Variants in SCN2A observed in about 807,000 individuals in gnomAD.
SCN2A encodes sodium channel protein type 2 subunit alpha.
SCN2A carries 20 observed loss-of-function variants against 188.7 expected under a neutral mutation model. The ratio of observed to expected loss-of-function variants is 0.11; its 90% CI spans 0.07 to 0.15. The LOEUF (loss-of-function observed/expected upper bound fraction) is 0.15. Among genes scored for constraint, SCN2A ranks in the 10% least tolerant of loss-of-function variants. SCN2A has a pLI of 1.00. For missense variants in SCN2A, 1,278 were observed against 2,445.0 expected, an observed-to-expected ratio of 0.52 and a Z score of 10.07; for synonymous variants, 804 against 833.1, an observed-to-expected ratio of 0.97 and a Z score of 0.60.
chr2:165,265,515 A>ATATATATATAT (rs1188795670), intron 1 of SCN2A, among the ~76,000 whole-genome samples: 2 of 115,490 alleles, frequency 1.7e-5, no homozygotes, highest in African/African-American at 3.3e-5. Context: ...ATATATATAT[A>ATATATATATAT]TTGCTGTGCA....
intron 15 of SCN2A, 136 bp downstream of exon 15, chr2:165,342,605 C>A: frequency 4.5e-6 from 4 of 896,124 alleles, no homozygotes; most frequent in Admixed American, 1.9e-5. Flanking sequence ...GATTGCCATA[C>A]CACCAAATGG....
At chr2:165,375,825 A>G (rs1701283582) in intron 22 of SCN2A, among the ~76,000 whole-genome samples, 1 of 151,954 alleles carries the variant, frequency 6.6e-6, no homozygotes, top group African/African-American at 2.4e-5. Flanking sequence ...ACACGCACAC[A>G]CACACACACA....
At chr2:165,363,132 G>C (rs1479842202) in intron 17 of SCN2A, among the ~76,000 whole-genome samples, 1 of 152,010 alleles carries the variant, frequency 6.6e-6, no homozygotes, top group African/African-American at 2.4e-5. Context: ...ACTGTCAAGG[G>C]CTAGACTTCA....
intron 17 of SCN2A, among the ~76,000 whole-genome samples, chr2:165,364,320 C>A (rs1253801564): frequency 1.3e-5 from 2 of 152,166 alleles, no homozygotes; most frequent in African/African-American, 4.8e-5. Flanking sequence ...GGGATCCCTT[C>A]ATGTATGCTG....
chr2:165,315,722 G>A lies in SCN2A; in HGVS notation c.1635G>A (p.Arg545=). The part of the protein sequence containing the change: ...KGFRFSLEGS[R]LTYEKRFSSP... Reference sequence around the variant, plus strand: ...TCCGTTTTTCCTTGGAAGGAAGTAGGCTGACATATGAAAAGAGATTTTCTT... The same window carrying A: ...TCCGTTTTTCCTTGGAAGGAAGTAGACTGACATATGAAAAGAGATTTTCTT... The change falls in exon 11 of 27, where the codon AGG becomes AGA. Residue 545 remains arginine, a synonymous_variant. Transcript: ENST00000375437. 6.2e-7 allele frequency: 1 copy of A among 1,613,194 alleles called. No homozygotes were observed. The highest frequency in any genetic ancestry group is 1.1e-5 in the South Asian group (1 of 90,848).
rs1223745985 is a variant in SCN2A, at chr2:165,249,279, T to C, written c.-52+9639T>C. Among the ~76,000 whole-genome samples, 3 of 152,130 alleles carry C rather than the reference T, an allele frequency of 2.0e-5. No individual in the cohort carries two copies. The East Asian group carries it at 5.8e-4, about 29-fold the overall frequency. ...TAATACTGGTCCTGCATATGCTGTG[T>C]CCTGAGCTTTCGCTATGTAGGTTGC... On this transcript the variant is annotated intron_variant, in intron 1 of 26. Transcript: ENST00000375437.
At position 165,310,540 on chromosome 2, in the gene SCN2A, T is replaced by A. The variant is rs1193774137; in HGVS notation, c.915T>A (p.Thr305=). 8.7e-6 allele frequency: 14 copies of A among 1,612,828 alleles called. No homozygotes were observed. The Admixed American group carries it at 2.0e-4, about 23-fold the overall frequency. ...FFNNSLDGNG[T]TFNRTVSIFN... ...ACAATTCATTGGATGGGAATGGTACTACTTTCAATAGGACAGTGAGCATAT... is the reference window on the plus strand; with the variant it reads ...ACAATTCATTGGATGGGAATGGTACAACTTTCAATAGGACAGTGAGCATAT... Residue 305 remains threonine (T), a synonymous_variant, in exon 7 of 27, where the codon ACT becomes ACA. Coordinates refer to ENST00000375437, the MANE Select transcript of SCN2A (RefSeq NM_001040142.2).
rs35091347 is a variant in SCN2A, at chr2:165,263,886, A to ATTTTT, written c.-52+24254_-52+24258dup. Reference sequence around the variant, plus strand: ...CGTTAAGTATATTCCTAAGTATTCTATTTTTTTTTTTTGCAGCTATTGTAA... The same window carrying ATTTTT: ...CGTTAAGTATATTCCTAAGTATTCTATTTTTTTTTTTTTTTTTGCAGCTATTGTAA... On this transcript the variant is annotated intron_variant, in intron 1 of 26. Transcript: ENST00000375437. 3.4e-3 allele frequency among the ~76,000 whole-genome samples: 493 copies of ATTTTT among 146,182 alleles called. 6 individuals are homozygous for ATTTTT. In the East Asian group the frequency reaches 0.042, roughly 12 times the overall value.
In SCN2A at chr2:165,374,913, G is replaced by A. The variant is rs1264909971; in HGVS notation, c.4201G>A (p.Val1401Met). The change falls in exon 22 of 27, where the codon GTG becomes ATG. Residue 1401 changes from valine (V) to methionine (M), a missense_variant. Around this residue, in one of 17 missense-constraint regions of SCN2A, gnomAD observed 97 missense variants for 266.1 expected, o/e 0.36. Transcript: ENST00000375437. ...ESNQTARWKN[V>M]KVNFDNVGLG... Reference sequence around the variant, plus strand: ...CAATCAAACTGCCAGGTGGAAAAATGTGAAAGTAAACTTTGATAACGTAGG... The same window carrying A: ...CAATCAAACTGCCAGGTGGAAAAATATGAAAGTAAACTTTGATAACGTAGG... 6 of 1,613,358 alleles carry A rather than the reference G, an allele frequency of 3.7e-6. No homozygotes were observed. The highest frequency in any genetic ancestry group is 1.1e-5 in the South Asian group (1 of 91,060).
At chr2:165,265,471 C>CTATATATA (rs1178289931) in intron 1 of SCN2A, among the ~76,000 whole-genome samples, 598 of 28,940 alleles carry the variant, frequency 0.021, 59 homozygotes, top group Non-Finnish European at 0.028. Context: ...CTCTGTTGAT[C>CTATATATA]TATATATATA....
At chr2:165,260,732 T>G (rs891241823) in intron 1 of SCN2A, among the ~76,000 whole-genome samples, 5 of 151,916 alleles carry the variant, frequency 3.3e-5, no homozygotes, top group Non-Finnish European at 7.4e-5. Context: ...TTTGGGAGGC[T>G]GAGGCGGGTG....
At chr2:165,383,837 G>A (rs2105391697) in intron 25 of SCN2A, among the ~76,000 whole-genome samples, 1 of 152,214 alleles carries the variant, frequency 6.6e-6, no homozygotes, top group African/African-American at 2.4e-5. Flanking sequence ...ATGAAGAAGG[G>A]ACAGAAAGTG....
chr2:165,364,090 T>C (rs1700599587), intron 17 of SCN2A, among the ~76,000 whole-genome samples: 1 of 152,246 alleles, frequency 6.6e-6, no homozygotes, highest in South Asian at 2.1e-4. Context: ...CATCTTATTC[T>C]AGTTTAACAT....
chr2:165,355,646 G>C (rs1224186756), intron 17 of SCN2A, among the ~76,000 whole-genome samples: 3 of 152,108 alleles, frequency 2.0e-5, no homozygotes, highest in Non-Finnish European at 4.4e-5. Context: ...GGGAAAGAAA[G>C]AATGACGACA....
chr2:165,311,516 C>T (rs760667144), intron 7 of SCN2A, among the ~76,000 whole-genome samples: 1 of 152,050 alleles, frequency 6.6e-6, no homozygotes, highest in Non-Finnish European at 1.5e-5. Flanking sequence ...CACTTATTTA[C>T]AGTATCATAA....
At chr2:165,308,561 A>G in intron 4 of SCN2A, 105 bp from the exon 5 acceptor site, 1 of 1,249,276 alleles carries the variant, frequency 8.0e-7, no homozygotes, top group Non-Finnish European at 1.2e-6. Flanking sequence ...AGGGGGACCA[A>G]CCTGGAAGTG....
Position 165,367,173 on chromosome 2 carries a change from CAA to C in SCN2A, c.3521-42_3521-41del, listed in dbSNP as rs1700773370. The C allele has an allele frequency of 3.1e-6, 5 of 1,597,642 alleles. No individual in the cohort carries two copies. In the South Asian group the frequency reaches 3.3e-5, roughly 11 times the overall value. ...TCCCACCAACACAAATATACCTAAT[CAA>C]AGAGTAATTTTTTGTCTTCATTTTT... On this transcript the variant is annotated intron_variant, in intron 18 of 26. Coordinates refer to ENST00000375437, the MANE Select transcript of SCN2A (RefSeq NM_001040142.2).
At chr2:165,378,187 T>G (rs1247830038) in intron 23 of SCN2A, among the ~76,000 whole-genome samples, 1 of 146,880 alleles carries the variant, frequency 6.8e-6, no homozygotes, top group Admixed American at 6.9e-5. Context: ...AATTTCTCAC[T>G]ATTTAATGAG....
intron 1 of SCN2A, among the ~76,000 whole-genome samples, chr2:165,291,475 TTTCTTTCTTTCTTTCTTTTC>T (rs747429256): frequency 0.077 from 3,535 of 45,690 alleles, 141 homozygotes; most frequent in Non-Finnish European, 0.12. Context: ...TCTTTCTTTC[TTTCTTTCTTTCTTTCTTTTC>T]TTTCTTTCTT....
Sources: gnomAD v4.1 joint callset for allele counts (sites outside exome capture counted in the v4.1 genomes callset) on GRCh38, gnomAD v4.1.1 for gene constraint, gnomAD v4.1.1 regional missense constraint, MANE v1.5 for transcripts, NCBI Gene and HGNC (gene_info 2026-07-23, HGNC 2026-07-21) for gene names.